Variants in PPM1L observed in about 807,000 individuals in gnomAD.
The protein encoded by PPM1L is protein phosphatase 1L.
In PPM1L, 13 loss-of-function variants were observed where a neutral mutation model predicts 31.4. The ratio of observed to expected loss-of-function variants is 0.41; its 90% CI spans 0.27 to 0.66. The LOEUF (loss-of-function observed/expected upper bound fraction) is 0.66. Among genes scored for constraint, PPM1L ranks in the 30% least tolerant of loss-of-function variants. The pLI is 0.29. For synonymous variants in PPM1L, 184 were observed against 175.4 expected (o/e 1.05, Z -0.39); for missense variants, 326 against 453.7 (o/e 0.72, Z 2.56).
rs1395569319 is a variant in PPM1L, at chr3:161,070,641, C to T, written c.*1484C>T. On this transcript the variant is annotated 3_prime_UTR_variant, in exon 4 of 4. Transcript: ENST00000498165. The stretch of plus-strand genomic sequence containing the variant: ...GCCTAAGGTGACTCAAACAGCCAAA[C>T]GAAACTTCCGTTGCCTCCCAGCCCT... 6.6e-6 allele frequency: 1 copy of T among 152,158 alleles called. No individual in the cohort carries two copies. The highest frequency in any genetic ancestry group is 1.5e-5 in the Non-Finnish European group (1 of 68,046). 9.4% of individuals were successfully genotyped at this position (152,158 alleles called of 1,614,324 possible).
chr3:161,062,179 G>C (rs1237990833), intron 2 of PPM1L, among the ~76,000 whole-genome samples: 1 of 151,800 alleles, frequency 6.6e-6, no homozygotes, highest in Non-Finnish European at 1.5e-5. Context: ...GCCCCCAGCA[G>C]ACTTTTTTGA....
chr3:161,003,370 G>C (rs1392171219), intron 2 of PPM1L, among the ~76,000 whole-genome samples: 2 of 151,810 alleles, frequency 1.3e-5, no homozygotes, highest in Non-Finnish European at 2.9e-5. Context: ...TTCCAATTCT[G>C]TGAAGAAAGG....
At chr3:161,033,313 C>T (rs183223031) in intron 2 of PPM1L, among the ~76,000 whole-genome samples, 1 of 152,260 alleles carries the variant, frequency 6.6e-6, no homozygotes, top group African/African-American at 2.4e-5. Context: ...CTACCATTGA[C>T]TTTCTTCACA....
At chr3:160,983,083 G>T (rs1299327153) in intron 2 of PPM1L, among the ~76,000 whole-genome samples, 1 of 152,154 alleles carries the variant, frequency 6.6e-6, no homozygotes, top group Middle Eastern at 3.2e-3. Flanking sequence ...AGATGCATTT[G>T]ATTTTTGTAC....
intron 2 of PPM1L, among the ~76,000 whole-genome samples, chr3:161,000,582 TATTA>T: frequency 6.6e-6 from 1 of 152,226 alleles, no homozygotes; most frequent in East Asian, 1.9e-4. Context: ...GAAAAAAAGT[TATTA>T]GAGACCTTTA....
intron 2 of PPM1L, among the ~76,000 whole-genome samples, chr3:160,990,559 G>A (rs1241214072): frequency 1.3e-5 from 2 of 152,018 alleles, no homozygotes; most frequent in African/African-American, 4.8e-5. Flanking sequence ...ACTAACAGTT[G>A]GATTATTTTG....
chr3:160,959,905 C>T (rs1715897095), intron 1 of PPM1L, among the ~76,000 whole-genome samples: 1 of 151,946 alleles, frequency 6.6e-6, no homozygotes. Flanking sequence ...TCTCCTATGC[C>T]TATATGATAA....
At chr3:160,759,379 T>C (rs760466548) in intron 1 of PPM1L, among the ~76,000 whole-genome samples, 7 of 152,218 alleles carry the variant, frequency 4.6e-5, no homozygotes, top group Non-Finnish European at 1.0e-4. Context: ...TATATCCTTG[T>C]ACATCCATTT....
chr3:160,791,088 G>C (rs572915796), intron 1 of PPM1L, among the ~76,000 whole-genome samples: 1 of 152,054 alleles, frequency 6.6e-6, no homozygotes, highest in African/African-American at 2.4e-5. Context: ...TGCCAAACTC[G>C]ATTAGCACTA....
Position 160,845,114 on chromosome 3 carries a change from T to G in PPM1L, c.399+88407T>G, listed in dbSNP as rs531204948. ...ATTGCAGAATAATATTCCATTGTAT[T>G]AATATGAATATATAAGATTTTGTTT... On this transcript the variant is annotated intron_variant, in intron 1 of 3. Coordinates refer to ENST00000498165, the MANE Select transcript of PPM1L (RefSeq NM_139245.4). 3.2e-4 allele frequency among the ~76,000 whole-genome samples: 48 copies of G among 152,316 alleles called. 1 individual carries two copies. Among genetic ancestry groups the G allele is most frequent in the Admixed American group, 2.8e-3 (43 of 15,294 alleles).
At chr3:160,761,827 G>A (rs903261873) in intron 1 of PPM1L, among the ~76,000 whole-genome samples, 25 of 151,588 alleles carry the variant, frequency 1.6e-4, no homozygotes, top group Admixed American at 1.0e-3. Context: ...GTGGCAGACC[G>A]GAGAAGAAGA....
At chr3:160,950,219 A>G (rs1045776848) in intron 1 of PPM1L, among the ~76,000 whole-genome samples, 2 of 152,078 alleles carry the variant, frequency 1.3e-5, no homozygotes, top group African/African-American at 4.8e-5. Flanking sequence ...TAAAAATCTG[A>G]TCAACTTGCT....
At chr3:160,904,904 A>G (rs1449818377) in intron 1 of PPM1L, among the ~76,000 whole-genome samples, 1 of 152,140 alleles carries the variant, frequency 6.6e-6, no homozygotes, top group African/African-American at 2.4e-5. Flanking sequence ...GCTGTTCCTC[A>G]GTTATATTGG....
At chr3:161,062,183 T>TAA (rs1329492858) in intron 2 of PPM1L, among the ~76,000 whole-genome samples, 1 of 152,160 alleles carries the variant, frequency 6.6e-6, no homozygotes, top group South Asian at 2.1e-4. Flanking sequence ...CCAGCAGACT[T>TAA]TTTTGAGTCC....
chr3:160,873,932 A>T (rs562813707), intron 1 of PPM1L, among the ~76,000 whole-genome samples: 10 of 152,326 alleles, frequency 6.6e-5, no homozygotes, highest in African/African-American at 2.2e-4. Context: ...ACCAGGCTCT[A>T]GTCTTATCCT....
At chr3:160,953,546 A>T (rs1362281241) in intron 1 of PPM1L, among the ~76,000 whole-genome samples, 1 of 152,210 alleles carries the variant, frequency 6.6e-6, no homozygotes, top group Non-Finnish European at 1.5e-5. Context: ...TTCCCAGAGA[A>T]ATATACTAAA....
intron 1 of PPM1L, among the ~76,000 whole-genome samples, chr3:160,944,865 A>AACATATATTATAT (rs1553748208): frequency 2.4e-5 from 1 of 40,994 alleles, no homozygotes; most frequent in Non-Finnish European, 6.0e-5. Flanking sequence ...TATTATATAT[A>AACATATATTATAT]ATGTTATATA....
Position 160,783,456 on chromosome 3 carries a change from C to T in PPM1L, c.399+26749C>T, listed in dbSNP as rs183611573. ...ATCTACTAAAAATACAAAAATTAGC[C>T]GGGCGTGGTGGCGGGTGCCTGTAAT... is the stretch of plus-strand genomic sequence containing the variant. On this transcript the variant is annotated intron_variant, in intron 1 of 3. Coordinates refer to ENST00000498165, the MANE Select transcript of PPM1L (RefSeq NM_139245.4). Among the ~76,000 whole-genome samples, 414 of 151,838 alleles carry T rather than the reference C, an allele frequency of 2.7e-3. 4 individuals are homozygous for T. The highest frequency in any genetic ancestry group is 0.01 in the Middle Eastern group (3 of 294).
intron 1 of PPM1L, among the ~76,000 whole-genome samples, chr3:160,939,025 T>C (rs762202889): frequency 6.6e-6 from 1 of 152,132 alleles, no homozygotes. Context: ...AAAATAGGTA[T>C]AGAAATAGCA....
Sources: allele counts gnomAD v4.1 joint callset (sites outside exome capture counted in the v4.1 genomes callset), GRCh38; gene constraint gnomAD v4.1.1; transcripts MANE v1.5; gene names NCBI Gene and HGNC (gene_info 2026-07-23, HGNC 2026-07-21).